NGLY1: variants seen among roughly 807,000 people sequenced by gnomAD.
NGLY1 encodes the protein N-glycanase 1.
A neutral mutation model predicts 84.6 loss-of-function variants in NGLY1; 68 were observed. The observed-to-expected ratio is 0.80, with a 90% confidence interval of 0.66 to 0.98. The LOEUF (loss-of-function observed/expected upper bound fraction) is 0.98. Among genes scored for constraint, NGLY1 ranks in the 50% least tolerant of loss-of-function variants. The pLI is 0.00. For missense variants in NGLY1, 779 were observed against 770.2 expected (o/e 1.01, Z -0.14); for synonymous variants, 280 against 275.2 (o/e 1.02, Z -0.17).
intron 3 of NGLY1, among the ~76,000 whole-genome samples, chr3:25,751,702 A>G (rs1575635747): frequency 6.6e-6 from 1 of 152,362 alleles, no homozygotes; most frequent in East Asian, 1.9e-4. Context: ...AGAAACCTCC[A>G]GAGAGGATGG....
chr3:25,784,359 G>A (rs1461167535), upstream of NGLY1, among the ~76,000 whole-genome samples: 1 of 152,142 alleles, frequency 6.6e-6, no homozygotes, highest in African/African-American at 2.4e-5. Flanking sequence ...ATAGAATGTC[G>A]GGGGCGGGAA....
chr3:25,775,774 G>C (rs112718335), intron 2 of NGLY1, among the ~76,000 whole-genome samples: 41 of 152,308 alleles, frequency 2.7e-4, no homozygotes, highest in African/African-American at 9.6e-4. Context: ...AATTTCTCAT[G>C]TTCTATAGCA....
In NGLY1 at chr3:25,719,550, G is replaced by C. The variant is rs117889176; in HGVS notation, c.1875C>G (p.Val625=). Residue 625 remains valine (V), a synonymous_variant, in exon 12 of 12, where the codon GTC becomes GTG. Transcript: ENST00000280700. ...TAAACAGCTGGGTGTGTTGCCAAGCGACATCACCATCTCCTCTGCTTAATT... is the reference window on the plus strand; with the variant it reads ...TAAACAGCTGGGTGTGTTGCCAAGCCACATCACCATCTCCTCTGCTTAATT... The part of the protein sequence containing the change: ...EAELSRGDGD[V]AWQHTQLFRQ... The C allele has an allele frequency of 2.5e-4, 408 of 1,613,786 alleles. 8 individuals are homozygous for C. In the East Asian group the frequency reaches 9.0e-3, roughly 35 times the overall value.
At position 25,774,612 on chromosome 3, in the gene NGLY1, C is replaced by T. The variant is rs1336244393; in HGVS notation, c.246+3962G>A. 5.9e-5 allele frequency among the ~76,000 whole-genome samples: 9 copies of T among 152,242 alleles called. No homozygotes were observed. In the South Asian group the frequency reaches 1.7e-3, roughly 28 times the overall value. Reference sequence around the variant, plus strand: ...CAGGCCATACCCAGCTCCCACACAGCCAGAAGGGCCAGTCTCACTCCCACC... The same window carrying T: ...CAGGCCATACCCAGCTCCCACACAGTCAGAAGGGCCAGTCTCACTCCCACC... On this transcript the variant is annotated intron_variant, in intron 2 of 11. Transcript: ENST00000280700.
intron 3 of NGLY1, 110 bp from the exon 4 acceptor site, chr3:25,751,373 G>C: frequency 3.5e-6 from 3 of 864,244 alleles, no homozygotes; most frequent in Non-Finnish European, 4.9e-6. Flanking sequence ...GGAATGTATG[G>C]ATTCACTTAA....
Position 25,720,025 on chromosome 3 carries a change from T to C in NGLY1, c.1778A>G (p.Glu593Gly), listed in dbSNP as rs1460871503. 1 of 1,611,598 alleles carries C rather than the reference T, an allele frequency of 6.2e-7. No individual in the cohort carries two copies. The highest frequency in any genetic ancestry group is 8.5e-7 in the Non-Finnish European group (1 of 1,178,436). ...WKLRSDTAQVELTGDNSLHSY... is the reference protein window; with the variant it reads ...WKLRSDTAQVGLTGDNSLHSY... ...AGGCAAATGCTTACCGCCTGTCAGTTCTACTTGTGCTGTATCAGATCGCAA... is the reference window on the plus strand; with the variant it reads ...AGGCAAATGCTTACCGCCTGTCAGTCCTACTTGTGCTGTATCAGATCGCAA... Residue 593 changes from glutamate to glycine, a missense_variant, in exon 11 of 12, where the codon GAA becomes GGA. Coordinates refer to ENST00000280700, the MANE Select transcript of NGLY1 (RefSeq NM_018297.4).
intron 1 of NGLY1, among the ~76,000 whole-genome samples, chr3:25,779,086 C>A (rs546058767): frequency 6.6e-6 from 1 of 151,844 alleles, no homozygotes; most frequent in South Asian, 2.1e-4. Flanking sequence ...CAGGGGTGCA[C>A]CACCACTCCT....
chr3:25,733,903 A>C lies in NGLY1; in HGVS notation c.1229T>G (p.Leu410Arg). ...ARRTKVKEAL[L>R]RDTINGLNKQ... ...ATTAAGCCCATTAATAGTGTCTCGA[A>C]GTAATGCTTCTTTAACCTTAGTTCT... Residue 410 changes from leucine (L) to arginine (R), a missense_variant, in exon 8 of 12, where the codon CTT becomes CGT. Leu to Arg is a moderately radical substitution (Grantham distance 102). Transcript: ENST00000280700. The C allele has an allele frequency of 6.2e-7, 1 of 1,613,776 alleles. No homozygotes were observed. The highest frequency in any genetic ancestry group is 1.1e-5 in the South Asian group (1 of 91,046).
chr3:25,737,534 G>T, intron 5 of NGLY1, 79 bp from the exon 6 acceptor site: 2 of 1,198,878 alleles, frequency 1.7e-6, no homozygotes, highest in Non-Finnish European at 2.3e-6. Flanking sequence ...ATGCTAAACA[G>T]AAATGTTTAA....
chr3:25,742,783 T>C (rs1375841223), intron 4 of NGLY1, among the ~76,000 whole-genome samples: 2 of 151,036 alleles, frequency 1.3e-5, no homozygotes, highest in African/African-American at 4.9e-5. Flanking sequence ...GTCCCAACTC[T>C]TGTTCTTTCA....
intron 2 of NGLY1, among the ~76,000 whole-genome samples, chr3:25,771,326 T>A (rs1417663316): frequency 6.6e-6 from 1 of 152,228 alleles, no homozygotes; most frequent in Non-Finnish European, 1.5e-5. Context: ...TTTTGTTTGC[T>A]TTGCTGTAGA....
intron 3 of NGLY1, chr3:25,755,409 C>T (rs1394482240): frequency 7.6e-6 from 11 of 1,439,496 alleles, no homozygotes; most frequent in Non-Finnish European, 1.1e-5. Context: ...ATAGTGACCC[C>T]ACAAACAGTG....
At chr3:25,786,743 A>T (rs200639273), upstream of NGLY1, among the ~76,000 whole-genome samples, 15 of 152,356 alleles carry the variant, frequency 9.8e-5, no homozygotes, top group Non-Finnish European at 1.3e-4. Context: ...TGATTTTTTT[A>T]AAATGGTGAT....
chr3:25,786,115 C>T (rs116352686), upstream of NGLY1, among the ~76,000 whole-genome samples: 3 of 152,246 alleles, frequency 2.0e-5, no homozygotes, highest in African/African-American at 7.2e-5. Context: ...TATCACCAAA[C>T]CAATCGTGGG....
intron 3 of NGLY1, among the ~76,000 whole-genome samples, chr3:25,759,801 GAT>G (rs1189696991): frequency 3.3e-5 from 5 of 151,914 alleles, no homozygotes; most frequent in Non-Finnish European, 7.4e-5. Context: ...TTTGATTTCT[GAT>G]ATGAGATATA....
upstream of NGLY1, among the ~76,000 whole-genome samples, chr3:25,786,218 G>A (rs1347784873): frequency 6.6e-6 from 1 of 152,064 alleles, no homozygotes; most frequent in African/African-American, 2.4e-5. Flanking sequence ...CTACTTGGGA[G>A]GCTGAGAGGC....
intron 5 of NGLY1, 89 bp from the exon 6 acceptor site, chr3:25,737,544 A>ATT (rs371935487): frequency 9.6e-3 from 9,222 of 955,710 alleles, no homozygotes; most frequent in South Asian, 0.012. Context: ...GAAATGTTTA[A>ATT]TTTTTTTTTT....
In NGLY1 at chr3:25,729,269, T is replaced by G; in HGVS notation, c.1475A>C (p.Gln492Pro). The change falls in exon 10 of 12, where the codon CAG becomes CCG. Residue 492 changes from glutamine to proline, a missense_variant. Transcript: ENST00000280700. ...IPCENEKISKQLHLCYNIVKD... is the reference protein window; with the variant it reads ...IPCENEKISKPLHLCYNIVKD... Reference sequence around the variant, plus strand: ...CACAATATTGTAACAAAGGTGGAGCTGTTTAGAAATCTTCTCATTTTCACA... The same window carrying G: ...CACAATATTGTAACAAAGGTGGAGCGGTTTAGAAATCTTCTCATTTTCACA... 1 of 1,506,898 alleles carries G rather than the reference T, an allele frequency of 6.6e-7. No homozygotes were observed. Among genetic ancestry groups the G allele is most frequent in the East Asian group, 2.5e-5 (1 of 40,790 alleles). The allele number at this position is 1,506,898 out of a possible 1,614,324, so 93.3% of individuals were successfully genotyped here. A position where few individuals can be genotyped will look rare whatever the true frequency, so the allele number is the denominator to read the frequency against.
Position 25,767,452 on chromosome 3 carries a change from C to T in NGLY1, c.247-3141G>A, listed in dbSNP as rs527670415. ...TCCAGTCAATAAAACAACCAAACTG[C>T]CCTAGCAAATTTCCCGTACTCATCT... On this transcript the variant is annotated intron_variant, in intron 2 of 11. Coordinates refer to ENST00000280700, the MANE Select transcript of NGLY1 (RefSeq NM_018297.4). Among the ~76,000 whole-genome samples, 15 of 152,232 alleles carry T rather than the reference C, an allele frequency of 9.9e-5. No individual in the cohort carries two copies. The South Asian group carries it at 3.1e-3, about 32-fold the overall frequency.
Sources: gnomAD v4.1 joint callset for allele counts (sites outside exome capture counted in the v4.1 genomes callset) on GRCh38, gnomAD v4.1.1 for gene constraint, MANE v1.5 for transcripts, NCBI Gene and HGNC (gene_info 2026-07-23, HGNC 2026-07-21) for gene names.